Variants in TBC1D14 observed in about 807,000 individuals in gnomAD.
TBC1D14 encodes TBC1 domain family, member 14.
TBC1D14 carries 26 observed loss-of-function variants against 79.0 expected under a neutral mutation model. The ratio of observed to expected loss-of-function variants is 0.33; its 90% confidence interval spans 0.24 to 0.46. The LOEUF is 0.46. Ranked by LOEUF, TBC1D14 falls within the 20% of genes least tolerant of loss-of-function variation. The pLI, the probability that TBC1D14 is intolerant of heterozygous loss-of-function variation, is 1.00. For synonymous variants in TBC1D14, 394 were observed against 349.9 expected (o/e 1.13, Z -1.40); for missense variants, 769 against 887.6 (o/e 0.87, Z 1.70).
At chr4:6,921,093 A>G (rs1010723871) in intron 1 of TBC1D14, among the ~76,000 whole-genome samples, 1 of 152,098 alleles carries the variant, frequency 6.6e-6, no homozygotes, top group Non-Finnish European at 1.5e-5. Flanking sequence ...TTAAAGAAAA[A>G]TAAAAGATAG....
chr4:6,939,785 G>C lies in TBC1D14; in HGVS notation c.722+15674G>C, dbSNP rs144011956. The stretch of plus-strand genomic sequence containing the variant: ...GTGTGGAGGTGGCATGGGAAAGCTG[G>C]GAGAGGCTCCACTTTACACAGGGGG... On this transcript the variant is annotated intron_variant, in intron 2 of 13. Coordinates refer to ENST00000409757, the MANE Select transcript of TBC1D14 (RefSeq NM_020773.3). Among the ~76,000 whole-genome samples the C allele has an allele frequency of 2.1e-3, 318 of 152,270 alleles. 1 individual carries two copies. Among genetic ancestry groups the C allele is most frequent in the African/African-American group, 6.9e-3 (285 of 41,544 alleles).
intron 2 of TBC1D14, among the ~76,000 whole-genome samples, chr4:6,940,390 G>A (rs181054034): frequency 3.0e-4 from 46 of 152,342 alleles, no homozygotes; most frequent in African/African-American, 9.6e-4. Context: ...ATCCATAATG[G>A]AATGTGTGTA....
chr4:7,001,519 T>C, intron 7 of TBC1D14: 1 of 384,700 alleles, frequency 2.6e-6, no homozygotes, highest in Non-Finnish European at 4.8e-6. Flanking sequence ...GTGCCTGAGC[T>C]TCGCAGATCA....
Position 6,923,290 on chromosome 4 carries a change from C to T in TBC1D14, c.-17-83C>T. Reference sequence around the variant, plus strand: ...CAAGGCTTTCTCCCTTAAGTGAGATCAGACCATTTCAGCTGTGTGTCAGAG... The same window carrying T: ...CAAGGCTTTCTCCCTTAAGTGAGATTAGACCATTTCAGCTGTGTGTCAGAG... On this transcript the variant is annotated intron_variant, in intron 1 of 13. Coordinates refer to ENST00000409757, the MANE Select transcript of TBC1D14 (RefSeq NM_020773.3). 4 of 1,443,464 alleles carry T rather than the reference C, an allele frequency of 2.8e-6. No homozygotes were observed. The South Asian group carries it at 4.2e-5, about 15-fold the overall frequency. 89.4% of individuals were successfully genotyped at this position (1,443,464 alleles called of 1,614,324 possible).
chr4:6,927,580 C>T (rs1443881121), intron 2 of TBC1D14, among the ~76,000 whole-genome samples: 1 of 152,212 alleles, frequency 6.6e-6, no homozygotes, highest in Admixed American at 6.5e-5. Flanking sequence ...ATTGTGCTTG[C>T]TTCAGTCAAG....
At chr4:6,972,324 T>A in intron 3 of TBC1D14, among the ~76,000 whole-genome samples, 1 of 152,228 alleles carries the variant, frequency 6.6e-6, no homozygotes, top group East Asian at 1.9e-4. Context: ...AAGCAATTCT[T>A]ATCTCTGAGG....
At chr4:6,989,945 C>T (rs1156671428) in intron 3 of TBC1D14, among the ~76,000 whole-genome samples, 1 of 152,244 alleles carries the variant, frequency 6.6e-6, no homozygotes, top group Non-Finnish European at 1.5e-5. Context: ...CTTCGAACAA[C>T]TGTGCTTCTA....
chr4:7,024,884 C>A, intron 12 of TBC1D14, 120 bp from the exon 13 acceptor site: 3 of 1,383,850 alleles, frequency 2.2e-6, no homozygotes, highest in Non-Finnish European at 3.0e-6. Flanking sequence ...TGGCCCTGGC[C>A]CCAGCTGTTG....
chr4:7,030,222 G>A (rs1722908422), intron 13 of TBC1D14, 105 bp from the exon 14 acceptor site: 1 of 1,047,916 alleles, frequency 9.5e-7, no homozygotes, highest in Non-Finnish European at 1.5e-6. Flanking sequence ...TGGAAGTGGG[G>A]AGCCGGGGGA....
intron 11 of TBC1D14, among the ~76,000 whole-genome samples, chr4:7,013,933 T>C (rs557476035): frequency 6.6e-6 from 1 of 152,314 alleles, no homozygotes; most frequent in East Asian, 1.9e-4. Flanking sequence ...GTATTTTTAA[T>C]AGAGACGGAG....
intron 2 of TBC1D14, among the ~76,000 whole-genome samples, chr4:6,939,453 T>A (rs1426333782): frequency 6.6e-6 from 1 of 151,848 alleles, no homozygotes; most frequent in East Asian, 1.9e-4. Flanking sequence ...AGGGACTGCC[T>A]CTCACTTATT....
chr4:6,951,076 G>A (rs1713993083), intron 2 of TBC1D14, among the ~76,000 whole-genome samples: 1 of 152,166 alleles, frequency 6.6e-6, no homozygotes, highest in Non-Finnish European at 1.5e-5. Context: ...GATCAACTGA[G>A]GTCTGGAGTT....
chr4:7,004,350 G>A (rs539698951), intron 7 of TBC1D14, among the ~76,000 whole-genome samples: 2 of 152,240 alleles, frequency 1.3e-5, no homozygotes, highest in African/African-American at 4.8e-5. Flanking sequence ...GCAGCAAGAC[G>A]AGGCCTGTGC....
At chr4:6,958,402 C>G (rs191727076) in intron 2 of TBC1D14, among the ~76,000 whole-genome samples, 1 of 151,752 alleles carries the variant, frequency 6.6e-6, no homozygotes, top group Non-Finnish European at 1.5e-5. Flanking sequence ...CACACACACA[C>G]AGATATTACT....
intron 7 of TBC1D14, 91 bp from the exon 8 acceptor site, chr4:7,004,753 A>C: frequency 4.3e-6 from 5 of 1,173,222 alleles, no homozygotes; most frequent in South Asian, 3.8e-5. Flanking sequence ...AGTTGAACTT[A>C]AGTATTTGGA....
chr4:7,019,492 G>A (rs1409205954), intron 12 of TBC1D14, among the ~76,000 whole-genome samples: 1 of 152,154 alleles, frequency 6.6e-6, no homozygotes, highest in Non-Finnish European at 1.5e-5. Flanking sequence ...GCTTAGGTTG[G>A]GTCTTTATGG....
intron 2 of TBC1D14, among the ~76,000 whole-genome samples, chr4:6,936,197 C>G (rs541378185): frequency 1.6e-4 from 25 of 152,324 alleles, no homozygotes; most frequent in African/African-American, 5.5e-4. Context: ...AGGGGCCACC[C>G]TGGGTGCTGT....
intron 2 of TBC1D14, among the ~76,000 whole-genome samples, chr4:6,939,533 T>G (rs558994926): frequency 6.6e-6 from 1 of 152,236 alleles, no homozygotes; most frequent in East Asian, 1.9e-4. Flanking sequence ...ATCCCTTTTC[T>G]TAGAGATTAT....
chr4:6,916,255 A>G (rs1248509348), intron 1 of TBC1D14, among the ~76,000 whole-genome samples: 4 of 151,996 alleles, frequency 2.6e-5, no homozygotes, highest in Non-Finnish European at 5.9e-5. Context: ...CCCCCTTGCC[A>G]TTGGGGTTTG....
Sources: gnomAD v4.1 joint callset for allele counts (sites outside exome capture counted in the v4.1 genomes callset) on GRCh38, gnomAD v4.1.1 for gene constraint, MANE v1.5 for transcripts, NCBI Gene and HGNC (gene_info 2026-07-23, HGNC 2026-07-21) for gene names.